PPP4R4: variants seen among roughly 807,000 people sequenced by gnomAD.
PPP4R4 encodes the protein protein phosphatase 4 regulatory subunit 4.
A neutral mutation model predicts 121.8 loss-of-function variants in PPP4R4; 70 were observed. The observed-to-expected ratio is 0.57, with a 90% CI of 0.47 to 0.70. The LOEUF is 0.70. Among genes scored for constraint, PPP4R4 ranks in the 30% least tolerant of loss-of-function variants. The probability of loss-of-function intolerance (pLI) is 0.00; values close to 1 mark genes in which losing one functional copy is unlikely to be tolerated. For synonymous variants in PPP4R4, 348 were observed against 355.7 expected, an observed-to-expected ratio of 0.98 and a Z score of 0.24; for missense variants, 875 against 1,033.6, an observed-to-expected ratio of 0.85 and a Z score of 2.10.
At chr14:94,237,480 C>T in intron 7 of PPP4R4, 85 bp from the exon 8 acceptor site, 1 of 1,274,926 alleles carries the variant, frequency 7.8e-7, no homozygotes, top group Non-Finnish European at 1.1e-6. Context: ...TTTTCTGCAG[C>T]AACTAGCCCA....
At chr14:94,275,326 CTT>C (rs1894573957) in intron 23 of PPP4R4, 46 bp from the exon 24 acceptor site, 10 of 1,594,300 alleles carry the variant, frequency 6.3e-6, no homozygotes, top group Non-Finnish European at 8.6e-6. Context: ...TGGTTACCCT[CTT>C]TGTTAGTATA....
intron 3 of PPP4R4, among the ~76,000 whole-genome samples, chr14:94,219,561 TATATACTC>T (rs1891271039): frequency 6.6e-6 from 1 of 152,160 alleles, no homozygotes; most frequent in African/African-American, 2.4e-5. Context: ...CCCTGATGTA[TATATACTC>T]ATGAGCGTAG....
chr14:94,213,377 CTT>C (rs1407748034), intron 3 of PPP4R4, among the ~76,000 whole-genome samples: 1 of 152,178 alleles, frequency 6.6e-6, no homozygotes, highest in Non-Finnish European at 1.5e-5. Context: ...CCAGAGAAAT[CTT>C]TTAAAAAGCA....
At chr14:94,265,294 AGT>A (rs972691958) in intron 20 of PPP4R4, 91 bp from the exon 21 acceptor site, 25 of 852,428 alleles carry the variant, frequency 2.9e-5, no homozygotes, top group Non-Finnish European at 4.6e-5. Context: ...AGCTAGGGAT[AGT>A]GATTCATATT....
chr14:94,210,352 G>A lies in PPP4R4; in HGVS notation c.294+1786G>A, dbSNP rs185105367. Among the ~76,000 whole-genome samples, 227 of 150,268 alleles carry A rather than the reference G, an allele frequency of 1.5e-3. 1 individual carries two copies. Among genetic ancestry groups the A allele is most frequent in the African/African-American group, 5.3e-3 (218 of 40,996 alleles). On this transcript the variant is annotated intron_variant, in intron 3 of 24. Coordinates refer to ENST00000304338, the MANE Select transcript of PPP4R4 (RefSeq NM_058237.2). ...AATATTATACACTCATATGTATAGC[G>A]TATTTATACAAAGAATCAAATGTAT...
At chr14:94,218,850 T>A (rs1487846591) in intron 3 of PPP4R4, among the ~76,000 whole-genome samples, 1 of 152,076 alleles carries the variant, frequency 6.6e-6, no homozygotes, top group African/African-American at 2.4e-5. Context: ...TGAACAGGCT[T>A]CTGATCAGAA....
intron 16 of PPP4R4, among the ~76,000 whole-genome samples, chr14:94,254,873 A>G (rs1013859726): frequency 2.0e-5 from 3 of 151,848 alleles, no homozygotes; most frequent in African/African-American, 7.3e-5. Context: ...GCATTCTTCA[A>G]CCTCCTTGTT....
intron 3 of PPP4R4, among the ~76,000 whole-genome samples, chr14:94,210,329 T>C (rs1399044626): frequency 6.6e-6 from 1 of 151,796 alleles, no homozygotes; most frequent in African/African-American, 2.4e-5. Context: ...GTATAAAGAA[T>C]ATTATACACT....
At chr14:94,201,375 G>A (rs1190803069) in intron 2 of PPP4R4, among the ~76,000 whole-genome samples, 2 of 152,048 alleles carry the variant, frequency 1.3e-5, no homozygotes, top group Admixed American at 6.6e-5. Context: ...GTCCATTGTT[G>A]CCTTGTTGAC....
At chr14:94,242,470 T>A (rs1445616800) in intron 11 of PPP4R4, 62 bp downstream of exon 11, 5 of 1,488,558 alleles carry the variant, frequency 3.4e-6, no homozygotes, top group Non-Finnish European at 4.7e-6. Flanking sequence ...GTATACTAGA[T>A]GATTTTGTGC....
intron 2 of PPP4R4, among the ~76,000 whole-genome samples, chr14:94,203,599 T>C (rs569826217): frequency 5.3e-5 from 8 of 152,330 alleles, no homozygotes; most frequent in African/African-American, 1.9e-4. Flanking sequence ...CTGGCTTGTA[T>C]GGTGTTGCAT....
intron 3 of PPP4R4, among the ~76,000 whole-genome samples, chr14:94,219,925 G>C (rs1891293942): frequency 6.6e-6 from 1 of 152,102 alleles, no homozygotes; most frequent in African/African-American, 2.4e-5. Context: ...GTGAGACCCT[G>C]TCTTAAAATA....
At chr14:94,190,474 G>C (rs1234236256) in intron 2 of PPP4R4, among the ~76,000 whole-genome samples, 33 of 151,990 alleles carry the variant, frequency 2.2e-4, no homozygotes, top group Non-Finnish European at 4.4e-5. Flanking sequence ...GGTGGTGTGT[G>C]CCTGTAGCCC....
intron 7 of PPP4R4, among the ~76,000 whole-genome samples, 186 bp downstream of exon 7, chr14:94,234,855 G>A (rs1892244261): frequency 6.6e-6 from 1 of 152,110 alleles, no homozygotes; most frequent in Non-Finnish European, 1.5e-5. Context: ...TCTCACCTTA[G>A]TTGCTTAGTT....
chr14:94,175,173 A>C, intron 1 of PPP4R4, among the ~76,000 whole-genome samples: 2 of 113,082 alleles, frequency 1.8e-5, no homozygotes, highest in Admixed American at 9.3e-5. Flanking sequence ...CCCCCAGCCC[A>C]AGTCAGATCA....
intron 15 of PPP4R4, 43 bp from the exon 16 acceptor site, chr14:94,251,706 A>G (rs1002706063): frequency 2.8e-6 from 4 of 1,429,108 alleles, no homozygotes; most frequent in Admixed American, 2.5e-5. Context: ...TTAATTTCAT[A>G]TAGGAAAAAT....
At chr14:94,264,817 G>T in intron 19 of PPP4R4, 61 bp from the exon 20 acceptor site, 1 of 1,290,770 alleles carries the variant, frequency 7.7e-7, no homozygotes, top group Non-Finnish European at 1.1e-6. Flanking sequence ...TAATTTCTCA[G>T]AACAATTTTC....
In PPP4R4 at chr14:94,199,912, T is replaced by C. The variant is rs550290850; in HGVS notation, c.192-8552T>C. ...GCCTGCTAGGGTCTTGGGGTTTTTA[T>C]AGGCACAGGATGAGGGTGTGGTGGG... On this transcript the variant is annotated intron_variant, in intron 2 of 24. Transcript: ENST00000304338. Among the ~76,000 whole-genome samples the C allele has an allele frequency of 9.2e-5, 14 of 152,220 alleles. No individual in the cohort carries two copies. The East Asian group carries it at 2.3e-3, about 25-fold the overall frequency.
intron 2 of PPP4R4, 99 bp downstream of exon 2, chr14:94,176,226 C>A: frequency 9.9e-7 from 1 of 1,007,228 alleles, no homozygotes; most frequent in East Asian, 2.4e-5. Context: ...TTCAGATTTA[C>A]TTAGCCACTT....
Sources: gnomAD v4.1 joint callset for allele counts (sites outside exome capture counted in the v4.1 genomes callset) on GRCh38, gnomAD v4.1.1 for gene constraint, MANE v1.5 for transcripts, NCBI Gene and HGNC (gene_info 2026-07-23, HGNC 2026-07-21) for gene names.